MRPL43: variants seen among roughly 807,000 people sequenced by gnomAD.
MRPL43 encodes the protein large ribosomal subunit protein mL43.
Under a neutral mutation model 12.7 loss-of-function variants are expected in MRPL43, and 9 were observed. The ratio of observed to expected loss-of-function variants is 0.71; its 90% confidence interval spans 0.43 to 1.24. MRPL43 has a LOEUF of 1.24. MRPL43 is among the 50% of genes most tolerant of loss of function. The pLI is 0.00. For synonymous variants in MRPL43, 116 were observed against 96.4 expected (o/e 1.20, Z -1.19); for missense variants, 211 against 229.2 (o/e 0.92, Z 0.51).
Position 100,986,766 on chromosome 10 carries a change from C to T in MRPL43, c.448G>A (p.Asp150Asn). ...GCTTGCACCTGGGCTGGGGCAGGAT[C>T]CTGAACCTCTCGGGGGCGTAGCCCG... ...FRGLRPREVQ[D>N]PAPAQVQAQ Residue 150 changes from aspartate to asparagine, a missense_variant, in exon 3 of 3, where the codon GAT becomes AAT. Transcript: ENST00000318364. 1 of 1,613,874 alleles carries T rather than the reference C, an allele frequency of 6.2e-7. No homozygotes were observed. Among genetic ancestry groups the T allele is most frequent in the Non-Finnish European group, 8.5e-7 (1 of 1,180,020 alleles).
At chr10:100,979,376 C>T, downstream of MRPL43, 2 of 1,587,228 alleles carry the variant, frequency 1.3e-6, no homozygotes, top group Non-Finnish European at 1.7e-6. Flanking sequence ...GGTCTGGCTG[C>T]AAAGTGAGAA....
In MRPL43 at chr10:100,987,471, A is replaced by G; in HGVS notation, c.-28T>C. 6.2e-7 allele frequency: 1 copy of G among 1,608,596 alleles called. No individual in the cohort carries two copies. Among genetic ancestry groups the G allele is most frequent in the Non-Finnish European group, 8.5e-7 (1 of 1,177,900 alleles). On this transcript the variant is annotated 5_prime_UTR_variant, in exon 1 of 3. Coordinates refer to ENST00000318364, the MANE Select transcript of MRPL43 (RefSeq NM_032112.3). ...CTACAGCTTGGAGGCCGCGGAGCCT[A>G]AGCAGCGAGGAGAGGGGGGCGGGAC...
At chr10:100,980,165 AAGACTTG>A (rs1564796818), downstream of MRPL43, 1 of 1,614,196 alleles carries the variant, frequency 6.2e-7, no homozygotes. Flanking sequence ...AATTCATCCC[AAGACTTG>A]CCATCCCTGG....
chr10:100,984,851 G>C (rs1272637340), downstream of MRPL43: 6 of 1,500,192 alleles, frequency 4.0e-6, no homozygotes, highest in Non-Finnish European at 5.3e-6. Context: ...TGGCCCTTGT[G>C]AATCAGCCTC....
chr10:100,980,935 G>T, downstream of MRPL43: 1 of 1,610,784 alleles, frequency 6.2e-7, no homozygotes, highest in Non-Finnish European at 8.5e-7. Context: ...ACTGTGGCTG[G>T]GACCCTGGCA....
downstream of MRPL43, chr10:100,979,413 T>G (rs1403612428): frequency 1.9e-6 from 3 of 1,569,376 alleles, no homozygotes; most frequent in African/African-American, 1.4e-5. Flanking sequence ...AGAGGGAGTC[T>G]TGCTCTGTTG....
At chr10:100,978,463 T>G, downstream of MRPL43, 1 of 1,594,486 alleles carries the variant, frequency 6.3e-7, no homozygotes, top group Non-Finnish European at 8.6e-7. Context: ...CCTGCCACCA[T>G]GTATATGTCA....
At chr10:100,978,622 C>T, downstream of MRPL43, 4 of 1,613,934 alleles carry the variant, frequency 2.5e-6, no homozygotes, top group Non-Finnish European at 3.4e-6. Flanking sequence ...TGAGGAGACA[C>T]CAATGCATTG....
chr10:100,984,056 C>A (rs141726768), downstream of MRPL43: 1 of 1,613,690 alleles, frequency 6.2e-7, no homozygotes, highest in Non-Finnish European at 8.5e-7. Context: ...GCTCCTTCGC[C>A]GAGGAACTCA....
At chr10:100,978,489 A>G (rs763771770), downstream of MRPL43, 3 of 1,604,194 alleles carry the variant, frequency 1.9e-6, no homozygotes, top group South Asian at 2.2e-5. Flanking sequence ...CCTGTTGAAT[A>G]TGACATGTCT....
chr10:100,978,395 A>T, downstream of MRPL43: 1 of 1,612,290 alleles, frequency 6.2e-7, no homozygotes, highest in Non-Finnish European at 8.5e-7. Flanking sequence ...ATTGGTGAGC[A>T]GGCCTTCTTC....
downstream of MRPL43, chr10:100,983,311 C>G: frequency 6.5e-7 from 1 of 1,541,398 alleles, no homozygotes; most frequent in South Asian, 1.3e-5. Context: ...ACAGGGCCAC[C>G]ACCACCACTG....
At chr10:100,980,956 C>G, downstream of MRPL43, 1 of 1,606,596 alleles carries the variant, frequency 6.2e-7, no homozygotes, top group South Asian at 1.1e-5. Context: ...CCCATGCCTG[C>G]GCAGCAGCCA....
At chr10:100,978,418 A>G, downstream of MRPL43, 1 of 1,607,898 alleles carries the variant, frequency 6.2e-7, no homozygotes, top group Non-Finnish European at 8.5e-7. Flanking sequence ...TATCACAGAC[A>G]TGGTATTTTT....
chr10:100,985,014 G>A (rs776736066), downstream of MRPL43: 52 of 1,146,992 alleles, frequency 4.5e-5, no homozygotes, highest in Non-Finnish European at 6.1e-5. Flanking sequence ...TCTTGGACCT[G>A]TCTGTTGGGT....
At chr10:100,979,476 G>C (rs747331412), downstream of MRPL43, 1 of 1,351,550 alleles carries the variant, frequency 7.4e-7, no homozygotes, top group African/African-American at 1.5e-5. Context: ...TCCGCCTCCC[G>C]GGTTCAAGTG....
rs1851515834 is a variant in MRPL43 at position 100,986,914 on chromosome 10, C to T, written c.300G>A (p.Leu100=). 1.2e-6 allele frequency: 2 copies of T among 1,611,386 alleles called. No individual in the cohort carries two copies. The highest frequency in any genetic ancestry group is 1.7e-6 in the Non-Finnish European group (2 of 1,180,008). ...CCGACTGGTCGGCCAGCTTCTGCAC[C>T]AGCGTCGAGATCTCCTCGACCGACT... ...HCKSVEEIST[L]VQKLADQSGL... is the part of the protein sequence containing the mutation. The change falls in exon 3 of 3, where the codon CTG becomes CTA. Residue 100 remains leucine, a synonymous_variant. Coordinates refer to ENST00000318364, the MANE Select transcript of MRPL43 (RefSeq NM_032112.3).
chr10:100,981,242 T>C (rs1334129419), downstream of MRPL43: 5 of 1,613,656 alleles, frequency 3.1e-6, no homozygotes, highest in Middle Eastern at 1.6e-4. Flanking sequence ...AAGTGACTCA[T>C]ATGAGTGTGG....
At chr10:100,978,304 G>A (rs770161568), downstream of MRPL43, 6 of 1,612,696 alleles carry the variant, frequency 3.7e-6, no homozygotes, top group African/African-American at 8.0e-5. Flanking sequence ...GGATGCTGAG[G>A]CCTTCACCTT....
Sources: gnomAD v4.1 joint callset for allele counts on GRCh38, gnomAD v4.1.1 for gene constraint, MANE v1.5 for transcripts, NCBI Gene and HGNC (gene_info 2026-07-23, HGNC 2026-07-21) for gene names.